KIF3C: variants seen among roughly 807,000 people sequenced by gnomAD.
KIF3C encodes the protein kinesin-like protein KIF3C.
Under a neutral mutation model 67.7 loss-of-function variants are expected in KIF3C, and 12 were observed. The observed-to-expected ratio is 0.18, with a 90% confidence interval of 0.11 to 0.29. The LOEUF (loss-of-function observed/expected upper bound fraction) is 0.29. Among genes scored for constraint, KIF3C ranks in the 10% least tolerant of loss-of-function variants. The pLI, the probability that KIF3C is intolerant of heterozygous loss-of-function variation, is 1.00. For synonymous variants in KIF3C, 393 were observed against 426.2 expected (o/e 0.92, Z 0.96); for missense variants, 789 against 1,059.6 (o/e 0.74, Z 3.55).
chr2:25,941,721 C>T (rs1663286966), intron 5 of KIF3C, among the ~76,000 whole-genome samples: 1 of 151,818 alleles, frequency 6.6e-6, no homozygotes, highest in Non-Finnish European at 1.5e-5. Flanking sequence ...AGTGAGACCT[C>T]ATCTCTAAAA....
rs541165473 is a variant in KIF3C at position 25,969,838 on chromosome 2, C to T, written c.1545+10535G>A. ...TCAAGTGATCCTCCCACCTCAGCCT[C>T]TGGAGTAGCTGGGACTACAGGCACA... On this transcript the variant is annotated intron_variant, in intron 1 of 7. Transcript: ENST00000264712. Among the ~76,000 whole-genome samples the T allele has an allele frequency of 3.7e-4, 56 of 152,144 alleles. 1 individual carries two copies. The highest frequency in any genetic ancestry group is 1.3e-3 in the African/African-American group (53 of 41,504).
chr2:25,968,148 G>A (rs1664191471), intron 1 of KIF3C, among the ~76,000 whole-genome samples: 1 of 152,120 alleles, frequency 6.6e-6, no homozygotes, highest in African/African-American at 2.4e-5. Context: ...AATGGGGAGG[G>A]GATGAAGAGT....
At position 25,958,313 on chromosome 2, in the gene KIF3C, G is replaced by A. The variant is rs1663859746; in HGVS notation, c.1546-1869C>T. Among the ~76,000 whole-genome samples, 1 of 152,178 alleles carries A rather than the reference G, an allele frequency of 6.6e-6. No homozygotes were observed. Among genetic ancestry groups the A allele is most frequent in the African/African-American group, 2.4e-5 (1 of 41,448 alleles). ...ACACAACCCTGGGCTGGGGACGGTG[G>A]CTCATGCCCGTAATCCCAGCACTTT... On this transcript the variant is annotated intron_variant, in intron 1 of 7. Coordinates refer to ENST00000264712, the MANE Select transcript of KIF3C (RefSeq NM_002254.8). The surrounding 1 kb of genome is among the most constrained non-coding windows in gnomAD (Gnocchi z 4.5).
intron 5 of KIF3C, among the ~76,000 whole-genome samples, chr2:25,940,685 C>G (rs1238168891): frequency 1.8e-5 from 2 of 112,840 alleles, no homozygotes; most frequent in South Asian, 3.5e-4. Context: ...GAGTCTCGCT[C>G]TGTTGCTCAG....
intron 4 of KIF3C, among the ~76,000 whole-genome samples, chr2:25,952,651 G>C (rs1410889948): frequency 1.3e-5 from 2 of 151,352 alleles, no homozygotes; most frequent in Non-Finnish European, 2.9e-5. Context: ...TCCACCTCCT[G>C]GGTTCAAGTG....
At chr2:25,962,160 T>C (rs1382857663) in intron 1 of KIF3C, among the ~76,000 whole-genome samples, 2 of 152,174 alleles carry the variant, frequency 1.3e-5, no homozygotes, top group African/African-American at 4.8e-5. Flanking sequence ...TAGAAGGTAA[T>C]ACATTTACGA....
chr2:25,948,785 CA>C (rs535150943), intron 5 of KIF3C, among the ~76,000 whole-genome samples: 114 of 151,740 alleles, frequency 7.5e-4, no homozygotes, highest in African/African-American at 2.6e-3. Flanking sequence ...AATCATTATG[CA>C]GAAAGCTCAT....
intron 5 of KIF3C, among the ~76,000 whole-genome samples, chr2:25,944,347 CTTT>C (rs34983264): frequency 1.3e-4 from 17 of 133,948 alleles, no homozygotes; most frequent in Admixed American, 1.5e-4. Flanking sequence ...TCATAATTGC[CTTT>C]TTTTTTTTTT....
rs1663863313 is a variant in KIF3C at position 25,958,472 on chromosome 2, T to A, written c.1546-2028A>T. Among the ~76,000 whole-genome samples, 1 of 151,958 alleles carries A rather than the reference T, an allele frequency of 6.6e-6. No homozygotes were observed. The highest frequency in any genetic ancestry group is 2.4e-5 in the African/African-American group (1 of 41,376). ...GGCGTGCACCTGTAGTCCTAGATAC[T>A]CAGGAGGCTGAGGCAGGAGAATCGG... On this transcript the variant is annotated intron_variant, in intron 1 of 7. Transcript: ENST00000264712. The surrounding 1 kb of genome is among the most constrained non-coding windows in gnomAD (Gnocchi z 4.5).
intron 5 of KIF3C, among the ~76,000 whole-genome samples, chr2:25,939,154 G>C (rs1277323109): frequency 6.6e-6 from 1 of 152,122 alleles, no homozygotes; most frequent in Non-Finnish European, 1.5e-5. Context: ...TTTTAGTAGA[G>C]ACGGGGTTTT....
rs1364986150 is a variant in KIF3C at position 25,927,793 on chromosome 2, A to G, written c.*1185T>C. ...GAACATTAACCATTTTTTTTTGTAG[A>G]AATTTACTTATCACTTGAGATACCT... On this transcript the variant is annotated 3_prime_UTR_variant, in exon 8 of 8. Transcript: ENST00000264712. 1 of 152,534 alleles carries G rather than the reference A, an allele frequency of 6.6e-6. No individual in the cohort carries two copies. The highest frequency in any genetic ancestry group is 1.5e-5 in the Non-Finnish European group (1 of 68,022). 9.4% of individuals were successfully genotyped at this position (152,534 alleles called of 1,614,324 possible).
At chr2:25,963,534 T>C (rs1317664158) in intron 1 of KIF3C, among the ~76,000 whole-genome samples, 1 of 151,526 alleles carries the variant, frequency 6.6e-6, no homozygotes, top group East Asian at 1.9e-4. Context: ...GAAAGGAATT[T>C]CAGAAGAGGA....
rs546444953 is a variant in KIF3C at position 25,944,792 on chromosome 2, G to A, written c.2006+6997C>T. Among the ~76,000 whole-genome samples the A allele has an allele frequency of 9.2e-5, 14 of 152,100 alleles. No individual in the cohort carries two copies. In the East Asian group the frequency reaches 1.9e-3, roughly 21 times the overall value. On this transcript the variant is annotated intron_variant, in intron 5 of 7. Transcript: ENST00000264712. Reference sequence around the variant, plus strand: ...TATGAATATACTTAACCATAATTTCGGAAAACCTTGTAAATCTATTTATAG... The same window carrying A: ...TATGAATATACTTAACCATAATTTCAGAAAACCTTGTAAATCTATTTATAG...
At position 25,976,596 on chromosome 2, in the gene KIF3C, C is replaced by T. The variant is rs576859850; in HGVS notation, c.1545+3777G>A. 3.0e-4 allele frequency among the ~76,000 whole-genome samples: 45 copies of T among 152,108 alleles called. 1 individual carries two copies. Among genetic ancestry groups the T allele is most frequent in the Middle Eastern group, 3.4e-3 (1 of 294 alleles). ...CCAACCTCATGAAACCCCGTCTCTA[C>T]TAAAAATACAAAAAATTAGCTGGGC... On this transcript the variant is annotated intron_variant, in intron 1 of 7. Transcript: ENST00000264712.
chr2:25,934,582 A>G (rs542487969), intron 5 of KIF3C, among the ~76,000 whole-genome samples: 1 of 152,096 alleles, frequency 6.6e-6, no homozygotes, highest in South Asian at 2.1e-4. Flanking sequence ...TCCATCTCAA[A>G]AAAAAGAAAA....
chr2:25,975,252 C>T (rs1306737781), intron 1 of KIF3C, among the ~76,000 whole-genome samples: 1 of 150,688 alleles, frequency 6.6e-6, no homozygotes, highest in East Asian at 1.9e-4. Flanking sequence ...CCTCAACCTC[C>T]TGGGCTCAAG....
intron 1 of KIF3C, among the ~76,000 whole-genome samples, chr2:25,968,215 A>G (rs1013982084): frequency 6.6e-6 from 1 of 152,220 alleles, no homozygotes. Flanking sequence ...GGAGACAAAA[A>G]TCAGGAGACT....
intron 5 of KIF3C, among the ~76,000 whole-genome samples, chr2:25,947,542 C>G (rs1389989235): frequency 4.0e-5 from 6 of 150,480 alleles, no homozygotes; most frequent in Non-Finnish European, 8.9e-5. Context: ...GATAGCGCCA[C>G]TGCACTCCAG....
rs553194554 is a variant in KIF3C at position 25,962,784 on chromosome 2, A to AT, written c.1546-6341dup. 1.5e-3 allele frequency among the ~76,000 whole-genome samples: 146 copies of AT among 98,230 alleles called. 1 individual carries two copies. The highest frequency in any genetic ancestry group is 4.2e-3 in the Middle Eastern group (1 of 240). 64.4% of individuals were successfully genotyped at this position (98,230 alleles called of 152,430 possible). A position where few individuals can be genotyped will look rare whatever the true frequency, so the allele number is the denominator to read the frequency against. On this transcript the variant is annotated intron_variant, in intron 1 of 7. Coordinates refer to ENST00000264712, the MANE Select transcript of KIF3C (RefSeq NM_002254.8). Reference sequence around the variant, plus strand: ...TATATATATAAAATATATGTTATATATATAATATATATTATATAATATATA... The same window carrying AT: ...TATATATATAAAATATATGTTATATATTATAATATATATTATATAATATATA...
Sources: allele counts gnomAD v4.1 joint callset (sites outside exome capture counted in the v4.1 genomes callset), GRCh38; gene constraint gnomAD v4.1.1; non-coding constraint Gnocchi (gnomAD v3.1); transcripts MANE v1.5; gene names NCBI Gene and HGNC (gene_info 2026-07-23, HGNC 2026-07-21).